Variants in L3MBTL4 observed in about 807,000 individuals in gnomAD.
The protein encoded by L3MBTL4 is lethal(3)malignant brain tumor-like protein 4.
Under a neutral mutation model 84.5 loss-of-function variants are expected in L3MBTL4, and 70 were observed. The ratio of observed to expected loss-of-function variants is 0.83; its 90% CI spans 0.68 to 1.01. The LOEUF is 1.01. Among genes scored for constraint, L3MBTL4 ranks in the 50% least tolerant of loss-of-function variants. The probability of loss-of-function intolerance (pLI) is 0.00; values close to 1 mark genes in which losing one functional copy is unlikely to be tolerated. For missense variants in L3MBTL4, 715 were observed against 754.8 expected, an observed-to-expected ratio of 0.95 and a Z score of 0.62; for synonymous variants, 274 against 259.8, an observed-to-expected ratio of 1.05 and a Z score of -0.52.
At chr18:6,263,606 G>T (rs761415953) in intron 5 of L3MBTL4, among the ~76,000 whole-genome samples, 2 of 152,138 alleles carry the variant, frequency 1.3e-5, no homozygotes, top group Non-Finnish European at 2.9e-5. Context: ...ACACTTTCTT[G>T]AGCATTTATA....
chr18:5,964,962 A>C (rs1229210593), intron 17 of L3MBTL4, among the ~76,000 whole-genome samples: 1 of 152,230 alleles, frequency 6.6e-6, no homozygotes, highest in Non-Finnish European at 1.5e-5. Flanking sequence ...CAAAGATATA[A>C]AAATATATGA....
intron 14 of L3MBTL4, among the ~76,000 whole-genome samples, chr18:6,111,255 G>A (rs964560553): frequency 6.6e-6 from 1 of 152,158 alleles, no homozygotes; most frequent in Admixed American, 6.5e-5. Flanking sequence ...TTCTAAAATC[G>A]TGGTGATGGT....
intron 16 of L3MBTL4, among the ~76,000 whole-genome samples, chr18:5,990,585 C>T (rs1019886079): frequency 8.5e-5 from 13 of 152,180 alleles, no homozygotes; most frequent in Non-Finnish European, 1.8e-4. Context: ...TGAATGTGTT[C>T]TACTCTCCAC....
intron 16 of L3MBTL4, among the ~76,000 whole-genome samples, chr18:6,042,590 A>T (rs1181854224): frequency 3.3e-5 from 5 of 152,278 alleles, no homozygotes; most frequent in Non-Finnish European, 5.9e-5. Flanking sequence ...ATGAGCCCTC[A>T]GCATTGTCCA....
chr18:6,303,455 C>T (rs997961166), intron 3 of L3MBTL4, among the ~76,000 whole-genome samples: 1 of 152,136 alleles, frequency 6.6e-6, no homozygotes, highest in Non-Finnish European at 1.5e-5. Flanking sequence ...CCAAGAACAA[C>T]TAATTATCAT....
intron 10 of L3MBTL4, among the ~76,000 whole-genome samples, chr18:6,219,222 T>A (rs773482463): frequency 6.6e-6 from 1 of 151,860 alleles, no homozygotes; most frequent in East Asian, 2.0e-4. Flanking sequence ...CTCATACTTA[T>A]CACTTCGTCC....
In L3MBTL4 at chr18:6,013,675, G is replaced by A. The variant is rs76814707; in HGVS notation, c.1445-44113C>T. On this transcript the variant is annotated intron_variant, in intron 16 of 18. Transcript: ENST00000317931. Reference sequence around the variant, plus strand: ...TACTGCATATGCCTGCCTTTCAGGGGTCTTGCAATTCGAATTTTGCATGAT... The same window carrying A: ...TACTGCATATGCCTGCCTTTCAGGGATCTTGCAATTCGAATTTTGCATGAT... 7.4e-3 allele frequency among the ~76,000 whole-genome samples: 1,127 copies of A among 152,284 alleles called. 6 individuals are homozygous for A. Among genetic ancestry groups the A allele is most frequent in the Non-Finnish European group, 0.013 (873 of 68,028 alleles).
At position 6,383,718 on chromosome 18, in the gene L3MBTL4, A is replaced by T. The variant is rs2006962; in HGVS notation, c.-91+31083T>A. On this transcript the variant is annotated intron_variant, in intron 1 of 18. Transcript: ENST00000317931. ...AGAAATCACCCAACCTTCTGCGTCA[A>T]TCTCACTGGGAGCTGCACACCAGAG... 2.7e-3 allele frequency among the ~76,000 whole-genome samples: 413 copies of T among 152,232 alleles called. 3 individuals are homozygous for T. Among genetic ancestry groups the T allele is most frequent in the African/African-American group, 9.5e-3 (396 of 41,552 alleles).
intron 1 of L3MBTL4, among the ~76,000 whole-genome samples, chr18:6,355,074 C>T (rs1166322679): frequency 6.6e-6 from 1 of 152,142 alleles, no homozygotes; most frequent in Non-Finnish European, 1.5e-5. Flanking sequence ...AAATGTGGTA[C>T]TTATACACAG....
chr18:6,393,500 G>A (rs2055143940), intron 1 of L3MBTL4, among the ~76,000 whole-genome samples: 1 of 152,174 alleles, frequency 6.6e-6, no homozygotes, highest in Admixed American at 6.5e-5. Flanking sequence ...CCAACCGCAT[G>A]CAGACCTGTT....
intron 16 of L3MBTL4, among the ~76,000 whole-genome samples, chr18:5,992,920 T>C (rs1266660465): frequency 5.3e-5 from 8 of 152,198 alleles, no homozygotes; most frequent in Non-Finnish European, 1.0e-4. Context: ...CTAGTAGCAA[T>C]GCAACAACAG....
intron 14 of L3MBTL4, among the ~76,000 whole-genome samples, chr18:6,119,506 T>G (rs987365984): frequency 1.4e-5 from 2 of 146,426 alleles, no homozygotes; most frequent in African/African-American, 5.5e-5. Context: ...GTGGTAGGGG[T>G]GAGAGAAAGA....
chr18:6,217,399 T>G (rs2046370920), intron 10 of L3MBTL4, among the ~76,000 whole-genome samples: 1 of 152,200 alleles, frequency 6.6e-6, no homozygotes, highest in Admixed American at 6.5e-5. Flanking sequence ...TCCTTTGTGG[T>G]GAACATCTTT....
chr18:6,143,196 A>C (rs1042543054), intron 13 of L3MBTL4, among the ~76,000 whole-genome samples: 1 of 152,196 alleles, frequency 6.6e-6, no homozygotes, highest in Non-Finnish European at 1.5e-5. Context: ...ACTTTATTAA[A>C]TTAAGGTTTA....
intron 4 of L3MBTL4, among the ~76,000 whole-genome samples, chr18:6,271,198 G>C (rs931455773): frequency 6.6e-6 from 1 of 152,200 alleles, no homozygotes; most frequent in Admixed American, 6.5e-5. Flanking sequence ...GGTTAATAGA[G>C]TATTGTACAT....
intron 16 of L3MBTL4, among the ~76,000 whole-genome samples, chr18:6,048,229 A>T (rs942995546): frequency 6.6e-6 from 1 of 152,232 alleles, no homozygotes; most frequent in Admixed American, 6.5e-5. Context: ...GAAGGAAATC[A>T]TACATGATAT....
At chr18:5,960,983 T>C (rs2095260539) in intron 17 of L3MBTL4, among the ~76,000 whole-genome samples, 1 of 152,122 alleles carries the variant, frequency 6.6e-6, no homozygotes, top group African/African-American at 2.4e-5. Flanking sequence ...GACAACTGAG[T>C]GGTCTGCACT....
At chr18:6,283,629 G>C (rs1053005422) in intron 4 of L3MBTL4, among the ~76,000 whole-genome samples, 2 of 152,108 alleles carry the variant, frequency 1.3e-5, no homozygotes, top group African/African-American at 2.4e-5. Context: ...TATTTAAGCT[G>C]TTCCAAAAAA....
intron 16 of L3MBTL4, among the ~76,000 whole-genome samples, chr18:6,078,541 G>A (rs905079369): frequency 9.9e-5 from 15 of 150,792 alleles, no homozygotes; most frequent in East Asian, 1.9e-4. Flanking sequence ...TTAAATAATC[G>A]TTTAATATCA....
Sources: allele counts gnomAD v4.1 joint callset (sites outside exome capture counted in the v4.1 genomes callset), GRCh38; gene constraint gnomAD v4.1.1; transcripts MANE v1.5; gene names NCBI Gene and HGNC (gene_info 2026-07-23, HGNC 2026-07-21).